MECOM: variants seen among roughly 807,000 people sequenced by gnomAD.
The protein encoded by MECOM is MDS1 and EVI1 complex locus, also known as histone-lysine N-methyltransferase MECOM.
MECOM carries 13 observed loss-of-function variants against 116.3 expected under a neutral mutation model. The ratio of observed to expected loss-of-function variants is 0.11; its 90% CI spans 0.07 to 0.18. The LOEUF (loss-of-function observed/expected upper bound fraction) is 0.18, where lower values mean the gene tolerates loss of function less well. Ranked by LOEUF, MECOM falls within the 10% of genes least tolerant of loss-of-function variation. The pLI, the probability that MECOM is intolerant of heterozygous loss-of-function variation, is 1.00. For synonymous variants in MECOM, 528 were observed against 535.2 expected, an observed-to-expected ratio of 0.99 and a Z score of 0.19; for missense variants, 1,299 against 1,509.0, an observed-to-expected ratio of 0.86 and a Z score of 2.31.
At chr3:169,657,414 T>C (rs774796357) in intron 1 of MECOM, among the ~76,000 whole-genome samples, 52 of 152,228 alleles carry the variant, frequency 3.4e-4, no homozygotes, top group Non-Finnish European at 5.9e-4. Context: ...TAAAATCAAC[T>C]TGCAAGGCCA....
chr3:169,179,360 G>C (rs1745634785), intron 2 of MECOM, among the ~76,000 whole-genome samples: 1 of 152,284 alleles, frequency 6.6e-6, no homozygotes, highest in Middle Eastern at 3.4e-3. Context: ...TAATGGCAAA[G>C]CCAGTCAACA....
intron 1 of MECOM, among the ~76,000 whole-genome samples, chr3:169,555,885 G>C (rs1383950927): frequency 6.6e-6 from 1 of 152,188 alleles, no homozygotes; most frequent in Non-Finnish European, 1.5e-5. Flanking sequence ...AAAGTCAGTG[G>C]CATCTAAACG....
chr3:169,375,578 C>A (rs1560192344), intron 2 of MECOM, among the ~76,000 whole-genome samples: 1 of 151,896 alleles, frequency 6.6e-6, no homozygotes, highest in Non-Finnish European at 1.5e-5. Flanking sequence ...AGAAAATCTA[C>A]AAGAAATGGA....
At chr3:169,260,299 T>G (rs1418647468) in intron 2 of MECOM, among the ~76,000 whole-genome samples, 1 of 152,212 alleles carries the variant, frequency 6.6e-6, no homozygotes, top group Non-Finnish European at 1.5e-5. Flanking sequence ...AGAACTTACA[T>G]TAAAACTAAC....
chr3:169,478,423 T>A (rs1750800702), intron 1 of MECOM, among the ~76,000 whole-genome samples: 3 of 152,144 alleles, frequency 2.0e-5, no homozygotes. Context: ...ACTTTTCCCA[T>A]TACTTGTTAA....
At chr3:169,602,631 A>T (rs1013630202) in intron 1 of MECOM, among the ~76,000 whole-genome samples, 10 of 152,184 alleles carry the variant, frequency 6.6e-5, no homozygotes, top group African/African-American at 2.4e-4. Flanking sequence ...GACATTGCCA[A>T]CTTTACCCCA....
intron 1 of MECOM, among the ~76,000 whole-genome samples, chr3:169,604,375 T>C (rs558156798): frequency 9.3e-4 from 141 of 152,334 alleles, no homozygotes; most frequent in African/African-American, 3.3e-3. Context: ...TAGTTCATGC[T>C]TCTCATTTCA....
intron 2 of MECOM, among the ~76,000 whole-genome samples, chr3:169,262,845 G>C (rs1234988805): frequency 4.0e-5 from 6 of 151,638 alleles, no homozygotes; most frequent in Non-Finnish European, 8.8e-5. Context: ...TGCCACAGAG[G>C]CACATCTTTT....
At chr3:169,602,364 G>A (rs370304327) in intron 1 of MECOM, among the ~76,000 whole-genome samples, 6 of 152,140 alleles carry the variant, frequency 3.9e-5, no homozygotes, top group South Asian at 4.1e-4. Context: ...GGCTGGAATC[G>A]GGGGAAAGGA....
intron 2 of MECOM, among the ~76,000 whole-genome samples, chr3:169,319,193 C>T (rs533167160): frequency 4.0e-5 from 6 of 151,830 alleles, no homozygotes; most frequent in Non-Finnish European, 7.4e-5. Flanking sequence ...CATCAGTGAT[C>T]GACTGGATAA....
At chr3:169,335,726 T>C (rs1047448344) in intron 2 of MECOM, among the ~76,000 whole-genome samples, 1 of 152,194 alleles carries the variant, frequency 6.6e-6, no homozygotes, top group African/African-American at 2.4e-5. Flanking sequence ...CTTTTATTTG[T>C]TTTAACTCAA....
intron 2 of MECOM, among the ~76,000 whole-genome samples, chr3:169,252,759 A>G (rs1159674144): frequency 6.6e-6 from 1 of 152,196 alleles, no homozygotes; most frequent in East Asian, 1.9e-4. Flanking sequence ...AGGTGTCATC[A>G]GTGGTTTTAG....
chr3:169,101,938 G>T, intron 11 of MECOM, 122 bp downstream of exon 11: 1 of 837,230 alleles, frequency 1.2e-6, no homozygotes, highest in Non-Finnish European at 1.8e-6. Context: ...TGAAGTGCTG[G>T]AGATCTATTA....
At chr3:169,256,469 C>G (rs899512692) in intron 2 of MECOM, among the ~76,000 whole-genome samples, 1 of 152,128 alleles carries the variant, frequency 6.6e-6, no homozygotes, top group Non-Finnish European at 1.5e-5. Flanking sequence ...GTGGGATACA[C>G]TTTCCAGCAC....
At chr3:169,297,454 C>T (rs954706187) in intron 2 of MECOM, among the ~76,000 whole-genome samples, 1 of 152,054 alleles carries the variant, frequency 6.6e-6, no homozygotes, top group Admixed American at 6.5e-5. Flanking sequence ...TTAACACTCA[C>T]GTCAGAGGAA....
chr3:169,643,831 A>G (rs1210977914), intron 1 of MECOM, among the ~76,000 whole-genome samples: 1 of 152,232 alleles, frequency 6.6e-6, no homozygotes, highest in East Asian at 1.9e-4. Context: ...CACAGTGAAA[A>G]TGAAATGAAT....
intron 1 of MECOM, among the ~76,000 whole-genome samples, chr3:169,602,827 A>G (rs148443609): frequency 6.6e-6 from 1 of 152,324 alleles, no homozygotes; most frequent in Non-Finnish European, 1.5e-5. Context: ...GTAATCCACA[A>G]GATTGCAACT....
intron 1 of MECOM, among the ~76,000 whole-genome samples, chr3:169,430,266 G>A (rs569253007): frequency 6.6e-6 from 1 of 152,030 alleles, no homozygotes; most frequent in Non-Finnish European, 1.5e-5. Context: ...ACTTAATTTT[G>A]GAAGCTGCAT....
intron 2 of MECOM, among the ~76,000 whole-genome samples, chr3:169,212,268 T>G (rs1750820500): frequency 1.3e-5 from 2 of 151,764 alleles, no homozygotes; most frequent in South Asian, 4.2e-4. Context: ...ACAGCCAGAG[T>G]GATCATTAGA....
Sources: allele counts gnomAD v4.1 joint callset (sites outside exome capture counted in the v4.1 genomes callset), GRCh38; gene constraint gnomAD v4.1.1; transcripts MANE v1.5; gene names NCBI Gene and HGNC (gene_info 2026-07-23, HGNC 2026-07-21).